Variants in SAMD5 observed in about 807,000 individuals in gnomAD.
SAMD5 encodes the protein sterile alpha motif domain containing 5.
A neutral mutation model predicts 11.3 loss-of-function variants in SAMD5; 13 were observed. That is an observed-to-expected ratio of 1.15 (90% CI 0.75 to 1.83). The LOEUF is 1.83. Ranked by LOEUF, SAMD5 falls within the 40% of genes most tolerant of loss-of-function variation. The pLI is 0.00. For synonymous variants in SAMD5, 129 were observed against 111.3 expected, an observed-to-expected ratio of 1.16 and a Z score of -1.00; for missense variants, 255 against 239.1, an observed-to-expected ratio of 1.07 and a Z score of -0.44.
the SAMD5 span, among the ~76,000 whole-genome samples, chr6:147,826,590 G>T: frequency 6.6e-6 from 1 of 152,098 alleles, no homozygotes; most frequent in South Asian, 2.1e-4. Context: ...GTGAGAATTC[G>T]TTTTCATATT....
chr6:147,527,264 G>T (rs188752298), intron 1 of SAMD5, among the ~76,000 whole-genome samples: 5 of 152,242 alleles, frequency 3.3e-5, no homozygotes, highest in African/African-American at 4.8e-5. Context: ...TGTACAGGAA[G>T]CATGGCAACG....
chr6:147,798,904 T>A, the SAMD5 span, among the ~76,000 whole-genome samples: 2 of 152,162 alleles, frequency 1.3e-5, no homozygotes, highest in Non-Finnish European at 2.9e-5. Context: ...TGCCTTTTTT[T>A]GTTTTCCATT....
downstream of SAMD5, among the ~76,000 whole-genome samples, chr6:147,574,964 T>C (rs1465149230): frequency 6.6e-6 from 1 of 152,178 alleles, no homozygotes; most frequent in Non-Finnish European, 1.5e-5. Flanking sequence ...GTAAGTACCA[T>C]TAAGAAAGGA....
the SAMD5 span, among the ~76,000 whole-genome samples, chr6:147,765,296 ACT>A: frequency 1.3e-5 from 2 of 152,106 alleles, no homozygotes; most frequent in Non-Finnish European, 2.9e-5. Flanking sequence ...ATGAATAAAG[ACT>A]CTCATCTTAC....
At chr6:147,773,977 G>A in the SAMD5 span, among the ~76,000 whole-genome samples, 2 of 152,008 alleles carry the variant, frequency 1.3e-5, no homozygotes, top group Admixed American at 1.3e-4. Context: ...CAAGTAGCTG[G>A]GACTACAGAC....
chr6:147,770,640 A>C, the SAMD5 span, among the ~76,000 whole-genome samples: 71 of 152,294 alleles, frequency 4.7e-4, 1 homozygote, highest in African/African-American at 1.6e-3. Context: ...TCACCAATGG[A>C]GTAGATTCGA....
intron 1 of SAMD5, among the ~76,000 whole-genome samples, chr6:147,671,406 A>G (rs1400188285): frequency 6.6e-6 from 1 of 152,220 alleles, no homozygotes; most frequent in African/African-American, 2.4e-5. Context: ...GAAAACTACA[A>G]TAAAGCAAAG....
At chr6:147,620,887 G>T (rs1177950994) in intron 1 of SAMD5, among the ~76,000 whole-genome samples, 1 of 152,086 alleles carries the variant, frequency 6.6e-6, no homozygotes. Flanking sequence ...GACAAAGTTA[G>T]AAGAAAGAAC....
chr6:147,540,933 GTTTTTTTTTTTT>G (rs1187718649), intron 1 of SAMD5, among the ~76,000 whole-genome samples: 5 of 64,180 alleles, frequency 7.8e-5, no homozygotes, highest in African/African-American at 2.7e-4. Flanking sequence ...CAAGCCACGC[GTTTTTTTTTTTT>G]TTTTTTTTTT....
Position 147,565,951 on chromosome 6 carries a change from C to T in SAMD5, c.*1495C>T, listed in dbSNP as rs931791466. 1.0e-5 allele frequency: 10 copies of T among 984,996 alleles called. No homozygotes were observed. Among genetic ancestry groups the T allele is most frequent in the Non-Finnish European group, 1.1e-5 (9 of 829,740 alleles). The allele number at this position is 984,996 out of a possible 1,614,324, so 61.0% of individuals were successfully genotyped here. A position where few individuals can be genotyped will look rare whatever the true frequency, so the allele number is the denominator to read the frequency against. ...TAGAAGAATGTACAAGATGTAAGTT[C>T]CCATCGGCACCGTCATGGTAAGAAG... On this transcript the variant is annotated 3_prime_UTR_variant, in exon 2 of 2. Coordinates refer to ENST00000367474, the MANE Select transcript of SAMD5 (RefSeq NM_001030060.3).
chr6:147,738,470 A>G (rs537736934), downstream of SAMD5, among the ~76,000 whole-genome samples: 1 of 152,354 alleles, frequency 6.6e-6, no homozygotes, highest in Non-Finnish European at 1.5e-5. Flanking sequence ...TAAGAGTTTC[A>G]AAGTATGTTT....
At chr6:147,881,516 C>T in the SAMD5 span, among the ~76,000 whole-genome samples, 61 of 152,276 alleles carry the variant, frequency 4.0e-4, 3 homozygotes, top group South Asian at 0.012. Flanking sequence ...CTGTCATCTT[C>T]CTGTGGCCTC....
chr6:147,854,409 C>T, the SAMD5 span, among the ~76,000 whole-genome samples: 2 of 152,026 alleles, frequency 1.3e-5, no homozygotes, highest in East Asian at 1.9e-4. Flanking sequence ...GCAAATATGG[C>T]CTGAGCTGAT....
the SAMD5 span, among the ~76,000 whole-genome samples, chr6:147,771,480 T>A: frequency 6.6e-6 from 1 of 152,198 alleles, no homozygotes; most frequent in Admixed American, 6.5e-5. Context: ...GTCACATTCT[T>A]CCTCTGTCTC....
In SAMD5 at chr6:147,711,238, G is replaced by A. The variant is rs917427598; in HGVS notation, c.163-26079G>A. 4.6e-5 allele frequency among the ~76,000 whole-genome samples: 7 copies of A among 152,138 alleles called. No individual in the cohort carries two copies. Among genetic ancestry groups the A allele is most frequent in the Non-Finnish European group, 7.3e-5 (5 of 68,030 alleles). Reference sequence around the variant, plus strand: ...ATTATTATCTCTAATTACAGATGAGGAAAGTGGGCCTCGGAGAGTTCAGCC... The same window carrying A: ...ATTATTATCTCTAATTACAGATGAGAAAAGTGGGCCTCGGAGAGTTCAGCC... On this transcript the variant is annotated intron_variant, in intron 1 of 1. Transcript: ENST00000566741. The surrounding 1 kb of genome is among the most constrained non-coding windows in gnomAD (Gnocchi z 4.1).
rs77096524 is a variant in SAMD5, at chr6:147,591,753, G to A, written c.162+82366G>A. Among the ~76,000 whole-genome samples the A allele has an allele frequency of 2.9e-3, 435 of 152,162 alleles. 12 individuals carry two copies. The East Asian group carries it at 0.072, about 25-fold the overall frequency. ...AGCTAAGGATATAAAGATGTCTGTGGCATTTTTGGAGAATGACTGAAGCTG... is the reference window on the plus strand; with the variant it reads ...AGCTAAGGATATAAAGATGTCTGTGACATTTTTGGAGAATGACTGAAGCTG... On this transcript the variant is annotated intron_variant, in intron 1 of 1. Transcript: ENST00000566741.
At chr6:147,924,429 A>G in the SAMD5 span, among the ~76,000 whole-genome samples, 91 of 152,250 alleles carry the variant, frequency 6.0e-4, no homozygotes, top group African/African-American at 2.0e-3. Flanking sequence ...GAGTCTTCAT[A>G]TTACTATTAT....
chr6:147,595,519 T>C (rs1323514449), intron 1 of SAMD5, among the ~76,000 whole-genome samples: 1 of 139,410 alleles, frequency 7.2e-6, no homozygotes, highest in Non-Finnish European at 1.5e-5. Context: ...GTGACTAAAC[T>C]ACCTTTTTTT....
chr6:147,831,576 C>A, the SAMD5 span, among the ~76,000 whole-genome samples: 2 of 152,122 alleles, frequency 1.3e-5, no homozygotes, highest in African/African-American at 4.8e-5. Flanking sequence ...GCTTGGGAAA[C>A]GTGGCTGCCC....
Sources: gnomAD v4.1 joint callset for allele counts (sites outside exome capture counted in the v4.1 genomes callset) on GRCh38, gnomAD v4.1.1 for gene constraint, Gnocchi (gnomAD v3.1) non-coding constraint, MANE v1.5 for transcripts, NCBI Gene and HGNC (gene_info 2026-07-23, HGNC 2026-07-21) for gene names.